Variants in CCDC186 observed in about 807,000 individuals in gnomAD.
CCDC186 encodes the protein coiled-coil domain containing 186, also known as coiled-coil domain-containing protein 186.
CCDC186 carries 49 observed loss-of-function variants against 113.7 expected under a neutral mutation model. The observed-to-expected ratio is 0.43, with a 90% CI of 0.34 to 0.55. The LOEUF is 0.55. Ranked by LOEUF, CCDC186 falls within the 20% of genes least tolerant of loss-of-function variation. CCDC186 has a pLI of 0.02. For missense variants in CCDC186, 890 were observed against 1,011.1 expected, an observed-to-expected ratio of 0.88 and a Z score of 1.62; for synonymous variants, 355 against 345.8, an observed-to-expected ratio of 1.03 and a Z score of -0.30.
intron 10 of CCDC186, 21 bp downstream of exon 10, chr10:114,134,892 C>G: frequency 6.3e-7 from 1 of 1,592,850 alleles, no homozygotes; most frequent in Non-Finnish European, 8.5e-7. Context: ...TTAATACAAA[C>G]AGAAGTTGCT....
chr10:114,132,209 G>A, intron 10 of CCDC186, 25 bp from the exon 11 acceptor site: 1 of 1,459,338 alleles, frequency 6.9e-7, no homozygotes, highest in Non-Finnish European at 9.2e-7. Flanking sequence ...TTATATTTAA[G>A]AAAAAATAAA....
At chr10:114,128,382 G>A (rs907758112) in intron 13 of CCDC186, among the ~76,000 whole-genome samples, 1 of 152,162 alleles carries the variant, frequency 6.6e-6, no homozygotes, top group Admixed American at 6.5e-5. Flanking sequence ...ATAAATGGCA[G>A]AGCTGGGATC....
intron 1 of CCDC186, among the ~76,000 whole-genome samples, chr10:114,171,495 G>A (rs1008240143): frequency 5.3e-5 from 8 of 152,262 alleles, no homozygotes; most frequent in African/African-American, 1.7e-4. Context: ...AGGCTACAGT[G>A]AATTATGATC....
At position 114,136,740 on chromosome 10, in the gene CCDC186, T is replaced by C. The variant is rs2031272851; in HGVS notation, c.1326+446A>G. Reference sequence around the variant, plus strand: ...GTTGCAGGTACTTTAACATTGGAAATAACCTGCATTTCATTTAACTGCCTG... The same window carrying C: ...GTTGCAGGTACTTTAACATTGGAAACAACCTGCATTTCATTTAACTGCCTG... On this transcript the variant is annotated intron_variant, in intron 7 of 15. Transcript: ENST00000369287. Among the ~76,000 whole-genome samples the C allele has an allele frequency of 2.0e-5, 3 of 152,334 alleles. No individual in the cohort carries two copies. In the South Asian group the frequency reaches 6.2e-4, roughly 32 times the overall value.
intron 1 of CCDC186, 31 bp from the exon 2 acceptor site, chr10:114,163,360 C>T (rs1425163597): frequency 1.3e-6 from 2 of 1,508,276 alleles, no homozygotes; most frequent in African/African-American, 1.4e-5. Context: ...AATTAAAAAC[C>T]ACTTTAAACC....
At chr10:114,136,044 G>T in intron 8 of CCDC186, 67 bp from the exon 9 acceptor site, 3 of 1,513,060 alleles carry the variant, frequency 2.0e-6, no homozygotes, top group Non-Finnish European at 2.7e-6. Flanking sequence ...TTTATTGCCT[G>T]TTCCTTCCAA....
chr10:114,123,046 A>G lies in CCDC186; in HGVS notation c.*2097T>C, dbSNP rs2030779619. ...GATCACTATTTGGTCTCCATTATAC[A>G]TTTTGTGCCTTGGGGAAAAAAATCC... is the stretch of plus-strand genomic sequence containing the variant. On this transcript the variant is annotated 3_prime_UTR_variant, in exon 16 of 16. Transcript: ENST00000369287. The G allele has an allele frequency of 2.6e-5, 4 of 152,530 alleles. No homozygotes were observed. The highest frequency in any genetic ancestry group is 9.7e-5 in the African/African-American group (4 of 41,448). 9.4% of individuals were successfully genotyped at this position (152,530 alleles called of 1,614,324 possible).
chr10:114,152,725 G>T (rs1042998978), intron 3 of CCDC186, among the ~76,000 whole-genome samples: 2 of 152,044 alleles, frequency 1.3e-5, no homozygotes, highest in South Asian at 2.1e-4. Context: ...AAAGAAACAA[G>T]ATTCAACTAT....
At position 114,123,763 on chromosome 10, in the gene CCDC186, G is replaced by A. The variant is rs2030801705; in HGVS notation, c.*1380C>T. 2 of 152,178 alleles carry A rather than the reference G, an allele frequency of 1.3e-5. No individual in the cohort carries two copies. Among genetic ancestry groups the A allele is most frequent in the Non-Finnish European group, 2.9e-5 (2 of 68,026 alleles). The allele number at this position is 152,178 out of a possible 1,614,324, so 9.4% of individuals were successfully genotyped here. A position where few individuals can be genotyped will look rare whatever the true frequency, so the allele number is the denominator to read the frequency against. ...CACTTAAGTGTCTATCTTAAACACT[G>A]TAAAAAATCCAACAAGATAGAAAAA... On this transcript the variant is annotated 3_prime_UTR_variant, in exon 16 of 16. Coordinates refer to ENST00000369287, the MANE Select transcript of CCDC186 (RefSeq NM_018017.4).
At chr10:114,170,263 T>C (rs1231838431) in intron 1 of CCDC186, among the ~76,000 whole-genome samples, 1 of 152,200 alleles carries the variant, frequency 6.6e-6, no homozygotes, top group East Asian at 1.9e-4. Context: ...AAATAAGTTC[T>C]ACAAAAAGAA....
Position 114,135,917 on chromosome 10 carries a change from C to T in CCDC186, c.1486G>A (p.Asp496Asn). The T allele has an allele frequency of 4.3e-6, 7 of 1,612,992 alleles. No homozygotes were observed. The highest frequency in any genetic ancestry group is 5.9e-6 in the Non-Finnish European group (7 of 1,179,330). ...DLKRTFKEGMDELRTLRTKVK... is the reference protein window; with the variant it reads ...DLKRTFKEGMNELRTLRTKVK... ...TTTGTTCTCAGTGTTCTTAACTCAT[C>T]CATACCCTCCTTAAATGTTCTCTTC... is the stretch of plus-strand genomic sequence containing the variant. The change falls in exon 9 of 16, where the codon GAT (aspartate) becomes AAT (asparagine). Residue 496 changes from aspartate (D) to asparagine (N), a missense_variant. Coordinates refer to ENST00000369287, the MANE Select transcript of CCDC186 (RefSeq NM_018017.4).
At chr10:114,136,368 A>G (rs2031262312) in intron 7 of CCDC186, 122 bp from the exon 8 acceptor site, 1 of 630,056 alleles carries the variant, frequency 1.6e-6, no homozygotes, top group African/African-American at 1.8e-5. Flanking sequence ...AGGATAAGAG[A>G]CAAGTTCTGT....
chr10:114,135,916 T>C lies in CCDC186; in HGVS notation c.1487A>G (p.Asp496Gly). 1 of 1,612,976 alleles carries C rather than the reference T, an allele frequency of 6.2e-7. No homozygotes were observed. The highest frequency in any genetic ancestry group is 8.5e-7 in the Non-Finnish European group (1 of 1,179,312). The change falls in exon 9 of 16, where the codon GAT (aspartate) becomes GGT (glycine). Residue 496 changes from aspartate (D) to glycine (G), a missense_variant. Asp to Gly is a moderately conservative substitution (Grantham distance 94). Coordinates refer to ENST00000369287, the MANE Select transcript of CCDC186 (RefSeq NM_018017.4). ...DLKRTFKEGM[D>G]ELRTLRTKVK... ...CTTTGTTCTCAGTGTTCTTAACTCA[T>C]CCATACCCTCCTTAAATGTTCTCTT...
Position 114,121,860 on chromosome 10 carries a change from T to C in CCDC186, c.*3283A>G, listed in dbSNP as rs1246663562. The C allele has an allele frequency of 3.9e-5, 6 of 152,160 alleles. No individual in the cohort carries two copies. Among genetic ancestry groups the C allele is most frequent in the African/African-American group, 1.4e-4 (6 of 41,388 alleles). 9.4% of individuals were successfully genotyped at this position (152,160 alleles called of 1,614,324 possible). ...TCACTCTGTCACCCAGGCTGGAGTATAGAGTACAGTGGCAATCATAGCTCA... is the reference window on the plus strand; with the variant it reads ...TCACTCTGTCACCCAGGCTGGAGTACAGAGTACAGTGGCAATCATAGCTCA... On this transcript the variant is annotated 3_prime_UTR_variant, in exon 16 of 16. Coordinates refer to ENST00000369287, the MANE Select transcript of CCDC186 (RefSeq NM_018017.4).
chr10:114,141,181 C>T (rs1012303905), intron 6 of CCDC186, among the ~76,000 whole-genome samples: 24 of 152,160 alleles, frequency 1.6e-4, no homozygotes, highest in African/African-American at 5.8e-4. Flanking sequence ...AGGTGTGAGA[C>T]ACCGTGCCTG....
chr10:114,148,268 C>T (rs578088290), intron 4 of CCDC186, among the ~76,000 whole-genome samples: 25 of 152,314 alleles, frequency 1.6e-4, no homozygotes, highest in African/African-American at 5.8e-4. Flanking sequence ...AAAGTTCACA[C>T]TCCTGGATCC....
intron 1 of CCDC186, among the ~76,000 whole-genome samples, chr10:114,169,536 C>A (rs538448874): frequency 6.6e-6 from 1 of 152,258 alleles, no homozygotes; most frequent in South Asian, 2.1e-4. Context: ...AGCCCCTGCG[C>A]CCAGCCCATA....
chr10:114,145,188 T>C (rs2031596005), intron 5 of CCDC186, among the ~76,000 whole-genome samples: 1 of 152,164 alleles, frequency 6.6e-6, no homozygotes, highest in Non-Finnish European at 1.5e-5. Flanking sequence ...CTTCTGGTTC[T>C]AAAACTATTC....
At chr10:114,171,279 T>G (rs2032486321) in intron 1 of CCDC186, among the ~76,000 whole-genome samples, 1 of 152,068 alleles carries the variant, frequency 6.6e-6, no homozygotes, top group Non-Finnish European at 1.5e-5. Context: ...CTCACACCTG[T>G]AATCCCAGCA....
Sources: allele counts gnomAD v4.1 joint callset (sites outside exome capture counted in the v4.1 genomes callset), GRCh38; gene constraint gnomAD v4.1.1; transcripts MANE v1.5; gene names NCBI Gene and HGNC (gene_info 2026-07-23, HGNC 2026-07-21).